KCNH5: variants seen among roughly 807,000 people sequenced by gnomAD.
The protein encoded by KCNH5 is potassium voltage-gated channel subfamily H member 5.
Under a neutral mutation model 96.1 loss-of-function variants are expected in KCNH5, and 46 were observed. The observed-to-expected ratio is 0.48, with a 90% CI of 0.38 to 0.61. KCNH5 has a LOEUF of 0.61. Among genes scored for constraint, KCNH5 ranks in the 20% least tolerant of loss-of-function variants. KCNH5 has a pLI of 0.00. For synonymous variants in KCNH5, 439 were observed against 449.8 expected, an observed-to-expected ratio of 0.98 and a Z score of 0.30; for missense variants, 907 against 1,225.8, an observed-to-expected ratio of 0.74 and a Z score of 3.88.
chr14:63,024,227 T>TAGATATAGATATAGATATAG (rs1566545182), intron 1 of KCNH5, among the ~76,000 whole-genome samples: 3 of 147,266 alleles, frequency 2.0e-5, no homozygotes, highest in African/African-American at 7.5e-5. Context: ...TATATATATA[T>TAGATATAGATATAGATATAG]ATCTTGAGAC....
At chr14:62,797,804 C>T (rs1886570911) in intron 9 of KCNH5, among the ~76,000 whole-genome samples, 1 of 151,990 alleles carries the variant, frequency 6.6e-6, no homozygotes, top group African/African-American at 2.4e-5. Flanking sequence ...CAACCTCAGC[C>T]TCCTGGGTTC....
chr14:62,944,364 T>C lies in KCNH5; in HGVS notation c.1369+5769A>G, dbSNP rs202208858. On this transcript the variant is annotated intron_variant, in intron 7 of 10. Transcript: ENST00000322893. ...AACCTTTTGATAAAACATTTTTCTGTTTTTGAGTTATAAGGTTACAAGTGG... is the reference window on the plus strand; with the variant it reads ...AACCTTTTGATAAAACATTTTTCTGCTTTTGAGTTATAAGGTTACAAGTGG... Among the ~76,000 whole-genome samples, 33 of 152,240 alleles carry C rather than the reference T, an allele frequency of 2.2e-4. No homozygotes were observed. In the East Asian group the frequency reaches 2.5e-3, roughly 12 times the overall value.
chr14:62,737,922 T>C (rs1201289644), intron 10 of KCNH5, among the ~76,000 whole-genome samples: 1 of 152,104 alleles, frequency 6.6e-6, no homozygotes, highest in Non-Finnish European at 1.5e-5. Flanking sequence ...TGCCCAAAAC[T>C]GCAGACAGTC....
At chr14:63,042,097 C>G (rs79764609) in intron 1 of KCNH5, among the ~76,000 whole-genome samples, 2 of 152,006 alleles carry the variant, frequency 1.3e-5, no homozygotes, top group East Asian at 3.9e-4. Flanking sequence ...TCTTTGTGTC[C>G]ATTTCCCTTG....
At chr14:62,749,739 T>C (rs1885456253) in intron 10 of KCNH5, among the ~76,000 whole-genome samples, 1 of 152,210 alleles carries the variant, frequency 6.6e-6, no homozygotes, top group Non-Finnish European at 1.5e-5. Context: ...CTACAGGTAA[T>C]AAAGACAGCC....
At chr14:62,771,176 G>A (rs930007073) in intron 10 of KCNH5, among the ~76,000 whole-genome samples, 1 of 152,156 alleles carries the variant, frequency 6.6e-6, no homozygotes, top group Non-Finnish European at 1.5e-5. Context: ...CTAACCTCCA[G>A]AACTGTGAGA....
chr14:62,878,567 TG>T (rs948367919), intron 7 of KCNH5, among the ~76,000 whole-genome samples: 5 of 152,048 alleles, frequency 3.3e-5, no homozygotes, highest in African/African-American at 9.7e-5. Context: ...ACAATACATG[TG>T]GTGTATGAGA....
chr14:62,799,192 C>T (rs1436344270), intron 9 of KCNH5, among the ~76,000 whole-genome samples: 3 of 152,098 alleles, frequency 2.0e-5, no homozygotes, highest in African/African-American at 4.8e-5. Context: ...GCATAAACCA[C>T]AAGAGATGCA....
chr14:62,911,802 A>T (rs1595681259), intron 7 of KCNH5, among the ~76,000 whole-genome samples: 1 of 151,332 alleles, frequency 6.6e-6, no homozygotes, highest in East Asian at 1.9e-4. Flanking sequence ...TTTAGGAGGG[A>T]GGCAGGTGGA....
At chr14:62,886,318 C>T (rs1031058873) in intron 7 of KCNH5, among the ~76,000 whole-genome samples, 2 of 152,290 alleles carry the variant, frequency 1.3e-5, no homozygotes, top group Admixed American at 6.5e-5. Context: ...CTGTGTAGCA[C>T]GTGAAAATTT....
intron 10 of KCNH5, among the ~76,000 whole-genome samples, chr14:62,762,433 G>A (rs1885771218): frequency 6.6e-6 from 1 of 152,132 alleles, no homozygotes; most frequent in South Asian, 2.1e-4. Context: ...CCAATGGAGA[G>A]TTTCAGCAGA....
chr14:62,845,948 G>A (rs567867914), intron 8 of KCNH5, among the ~76,000 whole-genome samples: 29 of 152,120 alleles, frequency 1.9e-4, no homozygotes, highest in African/African-American at 6.5e-4. Flanking sequence ...GAAAAGGGAC[G>A]AGGCACAAGG....
chr14:62,998,938 C>A (rs1890960090), intron 4 of KCNH5, among the ~76,000 whole-genome samples: 1 of 152,086 alleles, frequency 6.6e-6, no homozygotes, highest in Non-Finnish European at 1.5e-5. Flanking sequence ...GGATGGAGCA[C>A]CATGAATTTT....
At chr14:62,957,856 T>G (rs1171257730) in intron 6 of KCNH5, among the ~76,000 whole-genome samples, 1 of 152,168 alleles carries the variant, frequency 6.6e-6, no homozygotes, top group African/African-American at 2.4e-5. Flanking sequence ...TAAACTTAGT[T>G]GAGATAAGCC....
At chr14:62,773,531 T>C (rs8017770) in intron 10 of KCNH5, among the ~76,000 whole-genome samples, 1 of 152,216 alleles carries the variant, frequency 6.6e-6, no homozygotes, top group Non-Finnish European at 1.5e-5. Flanking sequence ...TTATGTGTTA[T>C]GGGCTGGATG....
rs142733803 is a variant in KCNH5 at position 62,758,288 on chromosome 14, T to G, written c.2019+21440A>C. On this transcript the variant is annotated intron_variant, in intron 10 of 10. Coordinates refer to ENST00000322893, the MANE Select transcript of KCNH5 (RefSeq NM_139318.5). ...GATTGCTTATAATATAAAGGATAAA[T>G]GCTTGAGGAGATAGATACCCCACTT... 1.4e-4 allele frequency among the ~76,000 whole-genome samples: 21 copies of G among 152,234 alleles called. No individual in the cohort carries two copies. In the East Asian group the frequency reaches 4.1e-3, roughly 29 times the overall value.
intron 10 of KCNH5, among the ~76,000 whole-genome samples, chr14:62,769,586 A>G (rs1370289450): frequency 1.3e-5 from 2 of 152,236 alleles, no homozygotes; most frequent in Non-Finnish European, 2.9e-5. Context: ...GCAGGCACAA[A>G]TGGTTAGAAA....
intron 9 of KCNH5, among the ~76,000 whole-genome samples, chr14:62,796,068 C>T (rs890907427): frequency 1.3e-5 from 2 of 152,118 alleles, no homozygotes; most frequent in African/African-American, 4.8e-5. Flanking sequence ...GAAAGAAGAG[C>T]AAAAGCCAGA....
chr14:62,934,781 C>T (rs149231527), intron 7 of KCNH5, among the ~76,000 whole-genome samples: 320 of 152,224 alleles, frequency 2.1e-3, no homozygotes, highest in Middle Eastern at 3.4e-3. Flanking sequence ...GCCAGGCCCT[C>T]GAGATAGCAA....
Sources: allele counts gnomAD v4.1 joint callset (sites outside exome capture counted in the v4.1 genomes callset), GRCh38; gene constraint gnomAD v4.1.1; transcripts MANE v1.5; gene names NCBI Gene and HGNC (gene_info 2026-07-23, HGNC 2026-07-21).